The following SRGAP1 variants were observed in gnomAD, a reference collection of about 807,000 sequenced individuals.
The protein encoded by SRGAP1 is SLIT-ROBO Rho GTPase-activating protein 1.
A neutral mutation model predicts 121.9 loss-of-function variants in SRGAP1; 43 were observed. The observed-to-expected ratio is 0.35, with a 90% confidence interval of 0.28 to 0.46. The LOEUF (loss-of-function observed/expected upper bound fraction) is 0.46, where lower values mean the gene tolerates loss of function less well. Among genes scored for constraint, SRGAP1 ranks in the 20% least tolerant of loss-of-function variants. The pLI is 1.00. For missense variants in SRGAP1, 1,102 were observed against 1,350.9 expected (o/e 0.82, Z 2.89); for synonymous variants, 447 against 485.4 (o/e 0.92, Z 1.04).
At chr12:63,989,841 G>T in intron 2 of SRGAP1, 69 bp from the exon 3 acceptor site, 1 of 1,251,664 alleles carries the variant, frequency 8.0e-7, no homozygotes, top group Non-Finnish European at 1.1e-6. Flanking sequence ...AGTTTGCCTT[G>T]GTGACTTCAC....
intron 1 of SRGAP1, among the ~76,000 whole-genome samples, chr12:63,892,735 A>G (rs1198723003): frequency 6.6e-6 from 1 of 152,230 alleles, no homozygotes; most frequent in East Asian, 1.9e-4. Flanking sequence ...ACTCTAAGCC[A>G]GCATTATGAG....
chr12:63,903,737 C>T (rs1206041838), intron 1 of SRGAP1, among the ~76,000 whole-genome samples: 6 of 151,808 alleles, frequency 4.0e-5, no homozygotes, highest in African/African-American at 1.5e-4. Context: ...CAGGTTCAAG[C>T]AATTCTCCTG....
At chr12:63,947,115 A>T (rs2032075663) in intron 1 of SRGAP1, among the ~76,000 whole-genome samples, 1 of 152,218 alleles carries the variant, frequency 6.6e-6, no homozygotes, top group African/African-American at 2.4e-5. Flanking sequence ...TGTACAAGTC[A>T]TTATGTGGAT....
chr12:64,117,773 C>A (rs1415766695), intron 18 of SRGAP1, among the ~76,000 whole-genome samples: 1 of 152,182 alleles, frequency 6.6e-6, no homozygotes, highest in African/African-American at 2.4e-5. Context: ...CTTCCCCCAG[C>A]CTCTGGCAAC....
intron 15 of SRGAP1, among the ~76,000 whole-genome samples, chr12:64,098,373 A>G (rs1459567241): frequency 1.3e-5 from 2 of 152,076 alleles, no homozygotes; most frequent in African/African-American, 4.8e-5. Flanking sequence ...AAAAAAAAAA[A>G]AAACTGGGTT....
At chr12:63,874,628 G>T (rs1243223920) in intron 1 of SRGAP1, among the ~76,000 whole-genome samples, 2 of 152,056 alleles carry the variant, frequency 1.3e-5, no homozygotes, top group Non-Finnish European at 2.9e-5. Flanking sequence ...TATTTCTGAG[G>T]AAAAGGGAGG....
At chr12:63,975,382 G>A (rs976449839) in intron 1 of SRGAP1, among the ~76,000 whole-genome samples, 2 of 152,140 alleles carry the variant, frequency 1.3e-5, no homozygotes, top group African/African-American at 4.8e-5. Flanking sequence ...AACAAATTCA[G>A]TTGCTAATTC....
At chr12:64,128,392 G>T (rs1333258074) in intron 21 of SRGAP1, among the ~76,000 whole-genome samples, 192 bp downstream of exon 21, 2 of 152,082 alleles carry the variant, frequency 1.3e-5, no homozygotes, top group African/African-American at 4.8e-5. Context: ...ATTTGTTACT[G>T]AAAGGGCCCA....
At chr12:63,892,643 A>ATT (rs1436321239) in intron 1 of SRGAP1, among the ~76,000 whole-genome samples, 1 of 152,154 alleles carries the variant, frequency 6.6e-6, no homozygotes, top group Non-Finnish European at 1.5e-5. Context: ...GATAAGCACC[A>ATT]TATGTAGCTC....
At chr12:63,971,333 G>T (rs2032941623) in intron 1 of SRGAP1, among the ~76,000 whole-genome samples, 1 of 152,198 alleles carries the variant, frequency 6.6e-6, no homozygotes, top group South Asian at 2.1e-4. Flanking sequence ...AACCTGGGAG[G>T]CCCCAAGGTA....
At chr12:63,859,508 A>G (rs1183365297) in intron 1 of SRGAP1, among the ~76,000 whole-genome samples, 11 of 151,984 alleles carry the variant, frequency 7.2e-5, no homozygotes, top group Admixed American at 7.2e-4. Flanking sequence ...TGTTTTGTGA[A>G]TTTCTGCTCT....
chr12:63,990,617 T>C (rs762499519), intron 3 of SRGAP1, among the ~76,000 whole-genome samples: 5 of 152,210 alleles, frequency 3.3e-5, no homozygotes, highest in Non-Finnish European at 4.4e-5. Flanking sequence ...GGCATACTTA[T>C]AGAGTTATAA....
At chr12:63,906,514 C>T (rs1490697812) in intron 1 of SRGAP1, among the ~76,000 whole-genome samples, 3 of 151,916 alleles carry the variant, frequency 2.0e-5, no homozygotes, top group South Asian at 4.2e-4. Context: ...GGGGTTTCAC[C>T]GTGTTAGCCA....
chr12:64,126,038 A>G lies in SRGAP1; in HGVS notation c.2286A>G (p.Leu762=), dbSNP rs1195583764. 1.2e-6 allele frequency: 2 copies of G among 1,614,050 alleles called. No individual in the cohort carries two copies. The highest frequency in any genetic ancestry group is 8.5e-7 in the Non-Finnish European group (1 of 1,180,028). The change falls in exon 19 of 22, where the codon CTA becomes CTG. Residue 762 remains leucine (L), a synonymous_variant. Coordinates refer to ENST00000355086, the MANE Select transcript of SRGAP1 (RefSeq NM_020762.4). ...ATGTTGGGCGGTCTGCCAGAGAACTATCCTTCAAGAAGGGTGCCTCCCTGC... is the reference window on the plus strand; with the variant it reads ...ATGTTGGGCGGTCTGCCAGAGAACTGTCCTTCAAGAAGGGTGCCTCCCTGC... ...FDYVGRSARE[L]SFKKGASLLL...
chr12:64,082,292 T>A (rs986650827), intron 10 of SRGAP1, among the ~76,000 whole-genome samples: 1 of 152,110 alleles, frequency 6.6e-6, no homozygotes, highest in African/African-American at 2.4e-5. Flanking sequence ...CTCTTGTGTC[T>A]CCTAGAGAGA....
At chr12:63,849,145 G>A (rs1898995787) in intron 1 of SRGAP1, among the ~76,000 whole-genome samples, 1 of 152,142 alleles carries the variant, frequency 6.6e-6, no homozygotes, top group Non-Finnish European at 1.5e-5. Context: ...GTTTGAATAG[G>A]CCATTAGAAA....
chr12:63,955,399 G>A (rs911441009), intron 1 of SRGAP1, among the ~76,000 whole-genome samples: 9 of 152,188 alleles, frequency 5.9e-5, no homozygotes, highest in African/African-American at 2.2e-4. Context: ...ATGCATTGTG[G>A]AGTGGCTAAA....
At chr12:63,982,622 A>G (rs1412422349) in intron 1 of SRGAP1, 1 of 152,236 alleles carries the variant, frequency 6.6e-6, no homozygotes, top group East Asian at 1.9e-4. Flanking sequence ...CAAGAAATTT[A>G]GAGACATTAT....
rs73130137 is a variant in SRGAP1, at chr12:64,040,705, A to G, written c.490-2085A>G. Reference sequence around the variant, plus strand: ...CTGTACCTAAGAATACAGAGATTACATACCGATTTATAGGTACCGTTATAA... The same window carrying G: ...CTGTACCTAAGAATACAGAGATTACGTACCGATTTATAGGTACCGTTATAA... On this transcript the variant is annotated intron_variant, in intron 4 of 21. Coordinates refer to ENST00000355086, the MANE Select transcript of SRGAP1 (RefSeq NM_020762.4). Among the ~76,000 whole-genome samples, 1,276 of 152,340 alleles carry G rather than the reference A, an allele frequency of 8.4e-3. 10 individuals carry two copies. The highest frequency in any genetic ancestry group is 0.016 in the South Asian group (79 of 4,828).
Sources: allele counts gnomAD v4.1 joint callset (sites outside exome capture counted in the v4.1 genomes callset), GRCh38; gene constraint gnomAD v4.1.1; transcripts MANE v1.5; gene names NCBI Gene and HGNC (gene_info 2026-07-23, HGNC 2026-07-21).